The following SCFD2 variants were observed in gnomAD, a reference collection of about 807,000 sequenced individuals.
SCFD2 encodes sec1 family domain-containing protein 2.
A neutral mutation model predicts 58.9 loss-of-function variants in SCFD2; 54 were observed. The observed-to-expected ratio is 0.92, with a 90% CI of 0.74 to 1.15. The LOEUF is 1.15. Among genes scored for constraint, SCFD2 ranks in the 50% most tolerant of loss-of-function variants. SCFD2 has a pLI of 0.00. For missense variants in SCFD2, 805 were observed against 836.6 expected, an observed-to-expected ratio of 0.96 and a Z score of 0.47; for synonymous variants, 321 against 335.9, an observed-to-expected ratio of 0.96 and a Z score of 0.49.
chr4:53,097,516 TGA>T (rs1264181952), intron 5 of SCFD2, among the ~76,000 whole-genome samples: 14 of 152,200 alleles, frequency 9.2e-5, no homozygotes, highest in Non-Finnish European at 1.6e-4. Flanking sequence ...GCTCTCTTTT[TGA>T]CTGTTATTGG....
chr4:53,029,032 T>C (rs1051366814), intron 5 of SCFD2, among the ~76,000 whole-genome samples: 2 of 152,192 alleles, frequency 1.3e-5, no homozygotes, highest in Non-Finnish European at 2.9e-5. Flanking sequence ...TTTCTAGTAC[T>C]CCATTCCAGT....
chr4:53,148,398 C>G (rs1726401606), intron 4 of SCFD2, among the ~76,000 whole-genome samples: 2 of 152,136 alleles, frequency 1.3e-5, no homozygotes. Context: ...TAATGCATCC[C>G]ACGAAGCCTA....
chr4:53,034,168 T>A (rs1722696654), intron 5 of SCFD2, among the ~76,000 whole-genome samples: 1 of 152,102 alleles, frequency 6.6e-6, no homozygotes, highest in African/African-American at 2.4e-5. Flanking sequence ...CATATGCAAA[T>A]CAATAAACGT....
chr4:53,307,092 A>T (rs957221508), intron 3 of SCFD2, among the ~76,000 whole-genome samples: 2 of 152,220 alleles, frequency 1.3e-5, no homozygotes, highest in African/African-American at 4.8e-5. Flanking sequence ...AGCCTGGAAA[A>T]GGCAGTCCAC....
At chr4:53,277,438 A>G (rs1309433262) in intron 3 of SCFD2, among the ~76,000 whole-genome samples, 1 of 152,174 alleles carries the variant, frequency 6.6e-6, no homozygotes, top group Non-Finnish European at 1.5e-5. Context: ...GTCTATCAAG[A>G]CAAACATTCA....
intron 2 of SCFD2, among the ~76,000 whole-genome samples, chr4:53,328,410 G>C (rs1733287164): frequency 6.6e-6 from 1 of 152,122 alleles, no homozygotes; most frequent in East Asian, 1.9e-4. Flanking sequence ...AAATATACCA[G>C]AAAGTATTAA....
chr4:53,206,156 GC>G (rs1432252127), intron 4 of SCFD2, among the ~76,000 whole-genome samples: 1 of 152,062 alleles, frequency 6.6e-6, no homozygotes, highest in Non-Finnish European at 1.5e-5. Context: ...TAACAGATGT[GC>G]ATCTTGGTCA....
At chr4:53,091,000 A>C (rs1168459344) in intron 5 of SCFD2, among the ~76,000 whole-genome samples, 1 of 152,202 alleles carries the variant, frequency 6.6e-6, no homozygotes, top group Non-Finnish European at 1.5e-5. Flanking sequence ...CCCCTCACAG[A>C]TTCATCACAT....
chr4:53,215,975 T>C (rs1728815545), intron 4 of SCFD2, among the ~76,000 whole-genome samples: 1 of 152,246 alleles, frequency 6.6e-6, no homozygotes, highest in South Asian at 2.1e-4. Flanking sequence ...TGAACCAGCC[T>C]TGCATCCCAG....
intron 5 of SCFD2, among the ~76,000 whole-genome samples, chr4:53,085,357 A>G (rs1402561451): frequency 6.6e-6 from 1 of 152,178 alleles, no homozygotes; most frequent in African/African-American, 2.4e-5. Flanking sequence ...AATGAAAACT[A>G]TAAAACACTG....
At chr4:53,047,122 TC>T (rs1434172422) in intron 5 of SCFD2, among the ~76,000 whole-genome samples, 1 of 152,186 alleles carries the variant, frequency 6.6e-6, no homozygotes, top group Non-Finnish European at 1.5e-5. Context: ...AACACAAAGT[TC>T]CTGCTCCCCT....
At chr4:52,899,248 T>C (rs542616588) in intron 7 of SCFD2, among the ~76,000 whole-genome samples, 59 of 152,366 alleles carry the variant, frequency 3.9e-4, no homozygotes, top group African/African-American at 1.3e-3. Flanking sequence ...CTAGCCTCGA[T>C]AGTCTTTACA....
chr4:52,930,551 A>G (rs1719967332), intron 5 of SCFD2, among the ~76,000 whole-genome samples: 1 of 152,222 alleles, frequency 6.6e-6, no homozygotes, highest in Non-Finnish European at 1.5e-5. Flanking sequence ...ATCCTAGATC[A>G]TCACGAAAAC....
chr4:53,137,920 C>A (rs1478361106), intron 5 of SCFD2, among the ~76,000 whole-genome samples: 1 of 152,190 alleles, frequency 6.6e-6, no homozygotes, highest in Admixed American at 6.5e-5. Context: ...CAAGCTGCTG[C>A]TTCACCTCAG....
intron 5 of SCFD2, among the ~76,000 whole-genome samples, chr4:53,042,509 G>A (rs1025195810): frequency 3.9e-5 from 6 of 152,086 alleles, no homozygotes; most frequent in African/African-American, 1.4e-4. Flanking sequence ...AAGGAAATAT[G>A]TACTGGACTT....
At chr4:53,331,073 C>A (rs2149132047) in intron 2 of SCFD2, among the ~76,000 whole-genome samples, 1 of 151,934 alleles carries the variant, frequency 6.6e-6, no homozygotes, top group South Asian at 2.1e-4. Context: ...GCACCCAATA[C>A]AGGAGCACCG....
chr4:53,094,937 C>G (rs1479129131), intron 5 of SCFD2, among the ~76,000 whole-genome samples: 1 of 152,148 alleles, frequency 6.6e-6, no homozygotes, highest in Non-Finnish European at 1.5e-5. Flanking sequence ...ATACAATGGT[C>G]AAAACTCAGT....
intron 5 of SCFD2, among the ~76,000 whole-genome samples, chr4:53,136,102 G>A (rs1725929507): frequency 6.6e-6 from 1 of 152,148 alleles, no homozygotes; most frequent in African/African-American, 2.4e-5. Flanking sequence ...ATATGTGAGA[G>A]TAATATTTAG....
chr4:53,066,271 A>C (rs1723660418), intron 5 of SCFD2, among the ~76,000 whole-genome samples: 1 of 152,152 alleles, frequency 6.6e-6, no homozygotes, highest in Admixed American at 6.6e-5. Flanking sequence ...TCAAACCTGT[A>C]ACATTAAGCG....
Sources: gnomAD v4.1 joint callset for allele counts (sites outside exome capture counted in the v4.1 genomes callset) on GRCh38, gnomAD v4.1.1 for gene constraint, MANE v1.5 for transcripts, NCBI Gene and HGNC (gene_info 2026-07-23, HGNC 2026-07-21) for gene names.